The following TMED10 variants were observed in gnomAD, a reference collection of about 807,000 sequenced individuals.
TMED10 encodes the protein transmembrane p24 trafficking protein 10.
A neutral mutation model predicts 23.1 loss-of-function variants in TMED10; 7 were observed. The observed-to-expected ratio is 0.30, with a 90% confidence interval of 0.17 to 0.57. TMED10 has a LOEUF of 0.57. TMED10 is among the 20% of genes least tolerant of loss of function. The pLI is 0.91. For synonymous variants in TMED10, 113 were observed against 106.9 expected (o/e 1.06, Z -0.35); for missense variants, 162 against 274.8 (o/e 0.59, Z 2.90).
chr14:75,156,916 A>AAAAAGGAAAGAAAAGAAAAG (rs1555356384), intron 1 of TMED10, among the ~76,000 whole-genome samples: 8 of 135,472 alleles, frequency 5.9e-5, no homozygotes, highest in African/African-American at 2.3e-4. Context: ...CCGTCTCAAA[A>AAAAAGGAAAGAAAAGAAAAG]AAAAGAAAAG....
In TMED10 at chr14:75,163,587, C is replaced by T. The variant is rs117012242; in HGVS notation, c.226-11444G>A. On this transcript the variant is annotated intron_variant, in intron 1 of 4. Transcript: ENST00000303575. The stretch of plus-strand genomic sequence containing the variant: ...AAAAAAAAAAAAAAAAGAACGGAAA[C>T]AGGAATAGCTAGCCTTTTCTCTCTC... Among the ~76,000 whole-genome samples the T allele has an allele frequency of 8.5e-3, 1,183 of 138,950 alleles. 9 individuals are homozygous for T. Among genetic ancestry groups the T allele is most frequent in the Middle Eastern group, 0.04 (10 of 248 alleles). The allele number at this position is 138,950 out of a possible 152,430, so 91.2% of individuals were successfully genotyped here. A position where few individuals can be genotyped will look rare whatever the true frequency, so the allele number is the denominator to read the frequency against.
chr14:75,135,159 A>C (rs876402), intron 4 of TMED10, among the ~76,000 whole-genome samples, 153 bp from the exon 5 acceptor site: 1 of 152,006 alleles, frequency 6.6e-6, no homozygotes, highest in Non-Finnish European at 1.5e-5. Flanking sequence ...TTTTAAGTTC[A>C]TTATCCTGGC....
chr14:75,156,839 G>A (rs957798220), intron 1 of TMED10, among the ~76,000 whole-genome samples: 2 of 151,440 alleles, frequency 1.3e-5, no homozygotes, highest in Non-Finnish European at 2.9e-5. Flanking sequence ...TGAGGCAGGA[G>A]AATCGTTTGA....
At chr14:75,175,459 C>T (rs1323705065) in intron 1 of TMED10, among the ~76,000 whole-genome samples, 1 of 152,140 alleles carries the variant, frequency 6.6e-6, no homozygotes, top group Non-Finnish European at 1.5e-5. Flanking sequence ...ACTTAACTAC[C>T]AAACTAAGTA....
chr14:75,163,496 T>C (rs1010980308), intron 1 of TMED10, among the ~76,000 whole-genome samples: 4 of 134,572 alleles, frequency 3.0e-5, no homozygotes, highest in Non-Finnish European at 4.5e-5. Context: ...GAGGTTGCAG[T>C]GAGCCGAGAT....
At chr14:75,166,528 T>C (rs541435564) in intron 1 of TMED10, among the ~76,000 whole-genome samples, 27 of 152,304 alleles carry the variant, frequency 1.8e-4, no homozygotes, top group African/African-American at 6.3e-4. Context: ...AGATATGGTG[T>C]AGCAATTTCA....
chr14:75,176,566 G>A lies in TMED10; in HGVS notation c.14C>T (p.Ser5Phe), dbSNP rs1896308844. The change falls in exon 1 of 5, where the codon TCT becomes TTT. Residue 5 changes from serine (S) to phenylalanine (F), a missense_variant. This residue lies in a region of TMED10 where 36 missense variants were observed against 35.2 expected (regional missense o/e 1.02). Coordinates refer to ENST00000303575, the MANE Select transcript of TMED10 (RefSeq NM_006827.6). Reference sequence around the variant, plus strand: ...AGGGCCGCGCCGGGCTGGTGGGCCAGACAAACCAGACATGGTGCTGGAGAC... The same window carrying A: ...AGGGCCGCGCCGGGCTGGTGGGCCAAACAAACCAGACATGGTGCTGGAGAC... The part of the protein sequence containing the change: MSGL[S>F]GPPARRGPFP... The A allele has an allele frequency of 1.2e-6, 2 of 1,614,006 alleles. No individual in the cohort carries two copies. Among genetic ancestry groups the A allele is most frequent in the South Asian group, 1.1e-5 (1 of 91,066 alleles).
chr14:75,160,128 G>A (rs944593506), intron 1 of TMED10, among the ~76,000 whole-genome samples: 22 of 152,256 alleles, frequency 1.4e-4, no homozygotes, highest in Admixed American at 1.4e-3. Flanking sequence ...GAACTTTCAG[G>A]TGGGGCTCAC....
intron 1 of TMED10, among the ~76,000 whole-genome samples, chr14:75,154,053 G>A (rs1724145200): frequency 6.6e-6 from 1 of 150,732 alleles, no homozygotes; most frequent in African/African-American, 2.4e-5. Context: ...TTACAGGCGT[G>A]AGCCACCACA....
At chr14:75,168,370 GAATGA>G (rs1896190116) in intron 1 of TMED10, among the ~76,000 whole-genome samples, 1 of 152,176 alleles carries the variant, frequency 6.6e-6, no homozygotes, top group Admixed American at 6.5e-5. Flanking sequence ...TTTGTTGAAT[GAATGA>G]AAGAATCACA....
chr14:75,137,803 G>T (rs1388849627), intron 3 of TMED10, among the ~76,000 whole-genome samples: 3 of 150,152 alleles, frequency 2.0e-5, no homozygotes, highest in Non-Finnish European at 3.0e-5. Flanking sequence ...TGCCTCCCAG[G>T]TTCAAAAAAA....
At chr14:75,153,671 A>C (rs1374918305) in intron 1 of TMED10, among the ~76,000 whole-genome samples, 1 of 152,196 alleles carries the variant, frequency 6.6e-6, no homozygotes, top group Non-Finnish European at 1.5e-5. Flanking sequence ...TTTAAGGGGA[A>C]ATTTTAAGCA....
chr14:75,173,680 A>G (rs1428255985), intron 1 of TMED10, among the ~76,000 whole-genome samples: 1 of 152,164 alleles, frequency 6.6e-6, no homozygotes, highest in Non-Finnish European at 1.5e-5. Context: ...CAACTGAGTG[A>G]TAGTAAAGTG....
chr14:75,169,470 C>T (rs1896203665), intron 1 of TMED10, among the ~76,000 whole-genome samples: 1 of 151,994 alleles, frequency 6.6e-6, no homozygotes, highest in Admixed American at 6.5e-5. Flanking sequence ...CCAACCTGGA[C>T]AATATTGTGA....
intron 2 of TMED10, among the ~76,000 whole-genome samples, chr14:75,148,988 C>T (rs1028826523): frequency 6.6e-6 from 1 of 152,230 alleles, no homozygotes; most frequent in African/African-American, 2.4e-5. Flanking sequence ...ACCATCATGG[C>T]TCACTGTAGC....
intron 1 of TMED10, among the ~76,000 whole-genome samples, chr14:75,153,239 A>C (rs1176614525): frequency 6.6e-6 from 1 of 152,034 alleles, no homozygotes; most frequent in Non-Finnish European, 1.5e-5. Context: ...TTGCCGTGTC[A>C]CTGCAGCCTG....
chr14:75,154,604 T>C (rs992107693), intron 1 of TMED10, among the ~76,000 whole-genome samples: 17 of 152,056 alleles, frequency 1.1e-4, no homozygotes, highest in Non-Finnish European at 1.5e-5. Context: ...ACAGTAGTAT[T>C]AGTCAACTGT....
chr14:75,151,762 C>T (rs553497075), intron 2 of TMED10, among the ~76,000 whole-genome samples: 51 of 152,148 alleles, frequency 3.4e-4, no homozygotes, highest in Non-Finnish European at 7.1e-4. Context: ...ATGTAATGTT[C>T]GGACAACCAT....
At chr14:75,147,801 A>G (rs895566926) in intron 2 of TMED10, 64 bp from the exon 3 acceptor site, 34 of 1,264,230 alleles carry the variant, frequency 2.7e-5, no homozygotes, top group African/African-American at 1.0e-4. Flanking sequence ...TTACCCACCC[A>G]CCCGCCCGCC....
Sources: allele counts gnomAD v4.1 joint callset (sites outside exome capture counted in the v4.1 genomes callset), GRCh38; gene constraint gnomAD v4.1.1; regional missense constraint gnomAD v4.1.1; transcripts MANE v1.5; gene names NCBI Gene and HGNC (gene_info 2026-07-23, HGNC 2026-07-21).